EP300: variants seen among roughly 807,000 people sequenced by gnomAD.
EP300 encodes the protein EP300 lysine acetyltransferase.
A neutral mutation model predicts 264.0 loss-of-function variants in EP300; 31 were observed. The ratio of observed to expected loss-of-function variants is 0.12; its 90% CI spans 0.09 to 0.16. The LOEUF is 0.16. Ranked by LOEUF, EP300 falls within the 10% of genes least tolerant of loss-of-function variation. The pLI, the probability that EP300 is intolerant of heterozygous loss-of-function variation, is 1.00. For synonymous variants in EP300, 1,340 were observed against 1,045.4 expected (o/e 1.28, Z -5.44); for missense variants, 2,766 against 3,052.9 (o/e 0.91, Z 2.21).
At chr22:41,110,128 CT>C (rs1555904629) in intron 1 of EP300, among the ~76,000 whole-genome samples, 11 of 108,556 alleles carry the variant, frequency 1.0e-4, no homozygotes, top group East Asian at 3.2e-4. Flanking sequence ...CCCCCCCCCC[CT>C]TTTTTTTTAA....
intron 6 of EP300, among the ~76,000 whole-genome samples, chr22:41,135,192 A>G (rs535711193): frequency 1.3e-5 from 2 of 152,244 alleles, no homozygotes; most frequent in South Asian, 2.1e-4. Flanking sequence ...CCCAGCCAGC[A>G]TTGCTTTTTT....
At chr22:41,134,346 G>T (rs902872705) in intron 6 of EP300, among the ~76,000 whole-genome samples, 5 of 151,714 alleles carry the variant, frequency 3.3e-5, no homozygotes, top group African/African-American at 1.2e-4. Flanking sequence ...TTGAGACTGG[G>T]TCTGATAACT....
Position 41,178,164 on chromosome 22 carries a change from GCAGCAACTC to G in EP300, c.6458_6466del (p.Gln2153_Gln2155del), listed in dbSNP as rs1326428766. 1 of 1,614,144 alleles carries G rather than the reference GCAGCAACTC, an allele frequency of 6.2e-7. No homozygotes were observed. Among genetic ancestry groups the G allele is most frequent in the East Asian group, 2.2e-5 (1 of 44,878 alleles). Reference sequence around the variant, plus strand: ...CTGGCCTGCCCCAGCAGCAACCACAGCAGCAACTCCAGCCACCCATGGGAGGGATGAGCC... The same window carrying G: ...CTGGCCTGCCCCAGCAGCAACCACAGCAGCCACCCATGGGAGGGATGAGCC... On this transcript the variant is annotated inframe_deletion, in exon 31 of 31. Coordinates refer to ENST00000263253, the MANE Select transcript of EP300 (RefSeq NM_001429.4).
intron 13 of EP300, 115 bp downstream of exon 13, chr22:41,149,290 A>T (rs1206581498): frequency 1.6e-6 from 2 of 1,268,550 alleles, no homozygotes; most frequent in African/African-American, 3.0e-5. Flanking sequence ...TGATTTTTTA[A>T]AAAATAACAA....
rs538308049 is a variant in EP300, at chr22:41,135,869, T to C, written c.1585T>C (p.Ser529Pro). 8.1e-6 allele frequency: 13 copies of C among 1,614,162 alleles called. No individual in the cohort carries two copies. In the African/African-American group the frequency reaches 1.5e-4, roughly 18 times the overall value. ...AGGAGTTCAAACGCCGAGTCTTCTT[T>C]CTGACTCAATGTTGCATTCAGCCAT... ...GVGVQTPSLL[S>P]DSMLHSAINS... Residue 529 changes from serine to proline, a missense_variant, in exon 7 of 31, where the codon TCT becomes CCT. Ser to Pro is a moderately conservative substitution (Grantham distance 74). Coordinates refer to ENST00000263253, the MANE Select transcript of EP300 (RefSeq NM_001429.4).
At chr22:41,131,764 T>A in intron 6 of EP300, 131 bp downstream of exon 6, 2 of 1,343,530 alleles carry the variant, frequency 1.5e-6, no homozygotes, top group South Asian at 1.2e-5. Flanking sequence ...AAGATTACAG[T>A]GTAAAAGGTC....
At chr22:41,147,541 TC>T (rs1472560192) in intron 11 of EP300, among the ~76,000 whole-genome samples, 4 of 151,960 alleles carry the variant, frequency 2.6e-5, no homozygotes, top group African/African-American at 9.7e-5. Flanking sequence ...ATAGAGACCA[TC>T]CTGGCTAACA....
chr22:41,127,675 C>G lies in EP300; in HGVS notation c.1095C>G (p.Asn365Lys). The change falls in exon 4 of 31, where the codon AAC becomes AAG. Residue 365 changes from asparagine (N) to lysine (K), a missense_variant. Transcript: ENST00000263253. The stretch of plus-strand genomic sequence containing the variant: ...CCAATGGGGAAGTGAGGCAGTGCAA[C>G]CTTCCCCACTGTCGCACAATGAAGA... ...EQANGEVRQC[N>K]LPHCRTMKNV... 1 of 1,614,224 alleles carries G rather than the reference C, an allele frequency of 6.2e-7. No individual in the cohort carries two copies. The highest frequency in any genetic ancestry group is 8.5e-7 in the Non-Finnish European group (1 of 1,180,034).
chr22:41,147,687 G>A (rs1164598606), intron 11 of EP300, 150 bp from the exon 12 acceptor site: 3 of 617,608 alleles, frequency 4.9e-6, no homozygotes, highest in African/African-American at 3.7e-5. Context: ...GCAGTGAGCG[G>A]AGATTGCGCC....
intron 1 of EP300, among the ~76,000 whole-genome samples, chr22:41,106,904 A>T (rs913639151): frequency 6.6e-6 from 1 of 151,828 alleles, no homozygotes; most frequent in East Asian, 1.9e-4. Flanking sequence ...GCCTAAAAGC[A>T]TTTTTTTATT....
chr22:41,156,121 C>G (rs1487919100), intron 17 of EP300, among the ~76,000 whole-genome samples: 1 of 152,090 alleles, frequency 6.6e-6, no homozygotes, highest in Admixed American at 6.5e-5. Context: ...AAGCAGTTCT[C>G]CTACCTCTCA....
chr22:41,130,271 GAAAGA>G (rs1024105319), intron 5 of EP300, among the ~76,000 whole-genome samples: 1 of 139,664 alleles, frequency 7.2e-6, no homozygotes, highest in Non-Finnish European at 1.6e-5. Context: ...AAAAAAAAAA[GAAAGA>G]AAAAACAGTG....
At chr22:41,165,185 C>T (rs1339742313) in intron 22 of EP300, among the ~76,000 whole-genome samples, 8 of 152,060 alleles carry the variant, frequency 5.3e-5, no homozygotes, top group Non-Finnish European at 1.0e-4. Flanking sequence ...TAACAGATTT[C>T]GTAAGAATGA....
chr22:41,139,302 G>A (rs2058969044), intron 8 of EP300, among the ~76,000 whole-genome samples: 1 of 152,162 alleles, frequency 6.6e-6, no homozygotes, highest in African/African-American at 2.4e-5. Flanking sequence ...GACAAGGAAA[G>A]AACTTCACAA....
Position 41,126,047 on chromosome 22 carries a change from A to G in EP300, c.906+7A>G, listed in dbSNP as rs1225223624. On this transcript the variant is annotated splice_region_variant and intron_variant, in intron 3 of 30. Transcript: ENST00000263253. Reference sequence around the variant, plus strand: ...TGGAGGAATGCCCAACATGGTGAGTACTAATCCATTACAGACTTGTTTTCA... The same window carrying G: ...TGGAGGAATGCCCAACATGGTGAGTGCTAATCCATTACAGACTTGTTTTCA... The G allele has an allele frequency of 3.7e-6, 6 of 1,613,756 alleles. No individual in the cohort carries two copies. Among genetic ancestry groups the G allele is most frequent in the East Asian group, 2.2e-5 (1 of 44,884 alleles).
At chr22:41,169,087 A>G (rs2059156065) in intron 25 of EP300, 4 of 635,290 alleles carry the variant, frequency 6.3e-6, no homozygotes, top group Non-Finnish European at 2.7e-6. Flanking sequence ...AATAAAGGAT[A>G]TGAATAGCAA....
chr22:41,153,652 AG>A (rs1169610265), intron 16 of EP300, among the ~76,000 whole-genome samples: 1 of 152,180 alleles, frequency 6.6e-6, no homozygotes, highest in Non-Finnish European at 1.5e-5. Flanking sequence ...TGGGAGGCTG[AG>A]GCAGAAGAAT....
At chr22:41,100,999 T>C (rs542602597) in intron 1 of EP300, among the ~76,000 whole-genome samples, 19 of 152,300 alleles carry the variant, frequency 1.2e-4, no homozygotes, top group Non-Finnish European at 2.6e-4. Flanking sequence ...AGTTAAGGCA[T>C]AATGAGAAAA....
At chr22:41,096,195 C>CT (rs1157862726) in intron 1 of EP300, among the ~76,000 whole-genome samples, 2 of 152,024 alleles carry the variant, frequency 1.3e-5, no homozygotes, top group Non-Finnish European at 2.9e-5. Context: ...CACTTGTAAA[C>CT]TTTTTTTGTA....
Sources: gnomAD v4.1 joint callset for allele counts (sites outside exome capture counted in the v4.1 genomes callset) on GRCh38, gnomAD v4.1.1 for gene constraint, MANE v1.5 for transcripts, NCBI Gene and HGNC (gene_info 2026-07-23, HGNC 2026-07-21) for gene names.